IFT74: variants seen among roughly 807,000 people sequenced by gnomAD.
The protein encoded by IFT74 is intraflagellar transport 74, also known as intraflagellar transport protein 74 homolog.
In IFT74, 92 loss-of-function variants were observed where a neutral mutation model predicts 96.7. The ratio of observed to expected loss-of-function variants is 0.95; its 90% CI spans 0.80 to 1.13. The LOEUF (loss-of-function observed/expected upper bound fraction) is 1.13. Ranked by LOEUF, IFT74 falls within the 50% of genes most tolerant of loss-of-function variation. The pLI, the probability that IFT74 is intolerant of heterozygous loss-of-function variation, is 0.00. For synonymous variants in IFT74, 223 were observed against 213.2 expected (o/e 1.05, Z -0.40); for missense variants, 811 against 698.2 (o/e 1.16, Z -1.82).
chr9:27,006,973 A>G (rs1031855407), intron 8 of IFT74, among the ~76,000 whole-genome samples: 2 of 150,610 alleles, frequency 1.3e-5, no homozygotes, highest in African/African-American at 4.9e-5. Context: ...AGTAGCTGGG[A>G]CTACAGGCGC....
chr9:27,050,165 C>T (rs1819860140), intron 16 of IFT74, among the ~76,000 whole-genome samples: 1 of 152,082 alleles, frequency 6.6e-6, no homozygotes, highest in African/African-American at 2.4e-5. Context: ...TCAGGTGATT[C>T]TCTCACCTCA....
rs1563955724 is a variant in IFT74, at chr9:26,991,579, T to G, written c.587+1384T>G. On this transcript the variant is annotated intron_variant, in intron 8 of 19. Transcript: ENST00000380062. ...TCTTATAAACTCAAAATACTAGCAG[T>G]CTTTTTCCTTTTACAAGGAAAATTT... is the stretch of plus-strand genomic sequence containing the variant. 3.9e-5 allele frequency among the ~76,000 whole-genome samples: 6 copies of G among 152,262 alleles called. No homozygotes were observed. In the South Asian group the frequency reaches 1.2e-3, roughly 32 times the overall value.
At chr9:26,950,321 AAAGAAAG>A (rs1016172435) in intron 1 of IFT74, among the ~76,000 whole-genome samples, 8 of 150,734 alleles carry the variant, frequency 5.3e-5, no homozygotes, top group Non-Finnish European at 6.0e-5. Flanking sequence ...AAAAAAAAAA[AAAGAAAG>A]AAAGAAAAGC....
intron 2 of IFT74, among the ~76,000 whole-genome samples, chr9:26,973,416 C>T (rs1826964175): frequency 1.3e-5 from 2 of 152,130 alleles, no homozygotes; most frequent in African/African-American, 2.4e-5. Context: ...TGGGGTATTG[C>T]TTTCTCCTTA....
chr9:27,011,404 AT>A (rs1829067301), intron 9 of IFT74, among the ~76,000 whole-genome samples: 1 of 152,208 alleles, frequency 6.6e-6, no homozygotes, highest in African/African-American at 2.4e-5. Flanking sequence ...GTATGTGTAC[AT>A]GTGAACCATA....
chr9:26,950,745 G>A (rs375702364), intron 1 of IFT74, among the ~76,000 whole-genome samples: 15 of 152,306 alleles, frequency 9.8e-5, no homozygotes, highest in African/African-American at 3.1e-4. Context: ...CTGCTCAACT[G>A]AACTGTTTAA....
At chr9:26,971,261 C>G (rs1826864316) in intron 2 of IFT74, among the ~76,000 whole-genome samples, 1 of 152,162 alleles carries the variant, frequency 6.6e-6, no homozygotes, top group African/African-American at 2.4e-5. Context: ...CCCTGGATCT[C>G]TTCCCCTGAG....
At chr9:27,018,509 A>C in intron 11 of IFT74, 138 bp from the exon 12 acceptor site, 1 of 445,800 alleles carries the variant, frequency 2.2e-6, no homozygotes, top group Non-Finnish European at 4.1e-6. Context: ...TCAAAGGTTG[A>C]AATCTAAAAA....
chr9:27,038,567 C>T (rs563601805), intron 13 of IFT74, among the ~76,000 whole-genome samples: 3 of 152,170 alleles, frequency 2.0e-5, no homozygotes, highest in African/African-American at 4.8e-5. Context: ...GTGAGCCCAC[C>T]GCGCCCGGCC....
At chr9:26,976,769 A>G (rs1252271346) in intron 2 of IFT74, 2 of 456,088 alleles carry the variant, frequency 4.4e-6, no homozygotes, top group Admixed American at 2.3e-5. Context: ...CATCTTTTAT[A>G]TCTTCTCATG....
chr9:27,001,310 A>G (rs1447830318), intron 8 of IFT74, among the ~76,000 whole-genome samples: 1 of 151,930 alleles, frequency 6.6e-6, no homozygotes, highest in African/African-American at 2.4e-5. Flanking sequence ...CTTTTTTTTA[A>G]ATGTATACCC....
At chr9:27,014,816 C>T (rs1335651842) in intron 10 of IFT74, among the ~76,000 whole-genome samples, 1 of 152,142 alleles carries the variant, frequency 6.6e-6, no homozygotes, top group Non-Finnish European at 1.5e-5. Flanking sequence ...ACTGTGTTGG[C>T]CAGGCTGGTC....
chr9:27,036,716 G>A (rs912059577), intron 13 of IFT74: 1 of 1,287,766 alleles, frequency 7.8e-7, no homozygotes, highest in Non-Finnish European at 9.8e-7. Flanking sequence ...TCAATTATAT[G>A]GTGAAAGAAA....
intron 13 of IFT74, among the ~76,000 whole-genome samples, chr9:27,038,755 C>CA (rs1476815255): frequency 6.6e-6 from 1 of 152,162 alleles, no homozygotes; most frequent in East Asian, 1.9e-4. Flanking sequence ...TTAGCAGAAA[C>CA]AGAGTCCTCA....
At chr9:27,037,454 A>T (rs1378963740) in intron 13 of IFT74, among the ~76,000 whole-genome samples, 12 of 152,242 alleles carry the variant, frequency 7.9e-5, no homozygotes, top group Admixed American at 7.8e-4. Context: ...CTTAAAGATC[A>T]CAGGAGAATC....
intron 1 of IFT74, among the ~76,000 whole-genome samples, chr9:26,950,401 C>T (rs1825896560): frequency 6.6e-6 from 1 of 152,040 alleles, no homozygotes; most frequent in East Asian, 1.9e-4. Flanking sequence ...AAGTTCAAGC[C>T]TCTACCATAA....
In IFT74 at chr9:27,056,421, C is replaced by T. The variant is rs747223484; in HGVS notation, c.1585C>T (p.Leu529=). 7 of 1,597,360 alleles carry T rather than the reference C, an allele frequency of 4.4e-6. No individual in the cohort carries two copies. The South Asian group carries it at 5.7e-5, about 13-fold the overall frequency. ...MEKQNIEYEA[L]KTQLQENETH... ...GAAGCAAAACATAGAGTATGAGGCA[C>T]TAAAAACACAATTGCAAGAAAATGA... Residue 529 remains leucine (L), a synonymous_variant, in exon 18 of 20, where the codon CTA becomes TTA. Coordinates refer to ENST00000380062, the MANE Select transcript of IFT74 (RefSeq NM_025103.4).
intron 1 of IFT74, among the ~76,000 whole-genome samples, chr9:26,956,779 T>C (rs1474661121): frequency 1.3e-5 from 2 of 152,202 alleles, no homozygotes; most frequent in Non-Finnish European, 2.9e-5. Flanking sequence ...CGCGATGGGC[T>C]GAAGGATTTT....
chr9:26,958,513 A>C (rs182144403), intron 1 of IFT74, among the ~76,000 whole-genome samples: 10 of 152,322 alleles, frequency 6.6e-5, no homozygotes, highest in African/African-American at 2.4e-4. Flanking sequence ...ACACTTAGGA[A>C]CAAAATCAGT....
Sources: allele counts gnomAD v4.1 joint callset (sites outside exome capture counted in the v4.1 genomes callset), GRCh38; gene constraint gnomAD v4.1.1; transcripts MANE v1.5; gene names NCBI Gene and HGNC (gene_info 2026-07-23, HGNC 2026-07-21).